Variants in AASS observed in about 807,000 individuals in gnomAD.
AASS encodes the protein aminoadipate-semialdehyde synthase.
A neutral mutation model predicts 105.4 loss-of-function variants in AASS; 86 were observed. The observed-to-expected ratio is 0.82, with a 90% confidence interval of 0.69 to 0.98. The LOEUF (loss-of-function observed/expected upper bound fraction) is 0.98, where lower values mean the gene tolerates loss of function less well. Ranked by LOEUF, AASS falls within the 50% of genes least tolerant of loss-of-function variation. AASS has a pLI of 0.00. For synonymous variants in AASS, 381 were observed against 394.8 expected (o/e 0.96, Z 0.41); for missense variants, 1,048 against 1,143.2 (o/e 0.92, Z 1.20).
In AASS at chr7:122,126,473, A is replaced by T. The variant is rs1562987894; in HGVS notation, c.388-14T>A. 4.3e-6 allele frequency: 7 copies of T among 1,610,626 alleles called. No homozygotes were observed. The highest frequency in any genetic ancestry group is 1.7e-5 in the Admixed American group (1 of 59,986). On this transcript the variant is annotated splice_polypyrimidine_tract_variant and intron_variant, in intron 3 of 23. Transcript: ENST00000417368. ...AAGGCGAATTTCCTGAAAAGAGGAT[A>T]AAAAAATTTCAACTGGACCCATTAA...
At chr7:122,094,618 T>C (rs575355713) in intron 15 of AASS, among the ~76,000 whole-genome samples, 1 of 152,198 alleles carries the variant, frequency 6.6e-6, no homozygotes, top group African/African-American at 2.4e-5. Flanking sequence ...ATGGATATAC[T>C]CATTTATATA....
chr7:122,119,249 T>C (rs1288167633), intron 4 of AASS, among the ~76,000 whole-genome samples: 1 of 152,178 alleles, frequency 6.6e-6, no homozygotes, highest in Non-Finnish European at 1.5e-5. Context: ...TGGCAATTCC[T>C]TTTATATTAT....
Position 122,110,707 on chromosome 7 carries a change from T to C in AASS, c.1278+2411A>G, listed in dbSNP as rs540307221. 2.6e-5 allele frequency among the ~76,000 whole-genome samples: 4 copies of C among 151,904 alleles called. No homozygotes were observed. In the South Asian group the frequency reaches 8.3e-4, roughly 32 times the overall value. ...TATAGATTAAGCTCTCTAATGAACA[T>C]AGATGTTAATAATCCTAAACAAGAT... On this transcript the variant is annotated intron_variant, in intron 11 of 23. Coordinates refer to ENST00000417368, the MANE Select transcript of AASS (RefSeq NM_005763.4).
intron 4 of AASS, 110 bp from the exon 5 acceptor site, chr7:122,118,740 A>C: frequency 9.0e-7 from 1 of 1,110,930 alleles, no homozygotes; most frequent in East Asian, 2.6e-5. Flanking sequence ...CAGATCATGC[A>C]TCTCAGATTT....
chr7:122,119,400 T>G (rs1037553291), intron 4 of AASS, among the ~76,000 whole-genome samples: 2 of 152,166 alleles, frequency 1.3e-5, no homozygotes, highest in Non-Finnish European at 2.9e-5. Flanking sequence ...AGATCTTTCT[T>G]TTGATTTCAA....
Position 122,116,931 on chromosome 7 carries a change from T to C in AASS, c.714A>G (p.Leu238=). The change falls in exon 7 of 24, where the codon CTA becomes CTG. Residue 238 remains leucine (L), a synonymous_variant. Transcript: ENST00000417368. ...SKGAQAIFNE[L]PCEYVEPHEL... ...CATGGGGCTCCACATATTCACAAGGTAGCTCATTAAAGATTGCTTGGGCTC... is the reference window on the plus strand; with the variant it reads ...CATGGGGCTCCACATATTCACAAGGCAGCTCATTAAAGATTGCTTGGGCTC... 1.9e-6 allele frequency: 3 copies of C among 1,613,948 alleles called. No individual in the cohort carries two copies. The highest frequency in any genetic ancestry group is 2.5e-6 in the Non-Finnish European group (3 of 1,179,968).
chr7:122,094,000 TACTGCAGGCTCTC>T (rs1439859028), intron 15 of AASS, among the ~76,000 whole-genome samples: 1 of 151,910 alleles, frequency 6.6e-6, no homozygotes, highest in Admixed American at 6.6e-5. Flanking sequence ...GAAAACCAAA[TACTGCAGGCTCTC>T]ACTTACAAGT....
chr7:122,115,635 C>T (rs886681129), intron 8 of AASS, among the ~76,000 whole-genome samples: 3 of 152,098 alleles, frequency 2.0e-5, no homozygotes, highest in South Asian at 2.1e-4. Context: ...GGGGATAATA[C>T]GCACCCCATT....
chr7:122,138,939 T>C (rs1333925411), intron 1 of AASS, among the ~76,000 whole-genome samples: 1 of 152,096 alleles, frequency 6.6e-6, no homozygotes, highest in Non-Finnish European at 1.5e-5. Context: ...TCATTCTAAA[T>C]CACATGGAGT....
At chr7:122,099,315 G>A (rs1794322690) in intron 13 of AASS, among the ~76,000 whole-genome samples, 1 of 151,796 alleles carries the variant, frequency 6.6e-6, no homozygotes. Flanking sequence ...ACAATTTGAG[G>A]AAGAGAATAT....
chr7:122,077,729 T>G (rs1439803419), intron 23 of AASS, 109 bp downstream of exon 23: 1 of 1,397,068 alleles, frequency 7.2e-7, no homozygotes, highest in African/African-American at 1.4e-5. Context: ...GATGGTTCAC[T>G]TTTAGTAAAT....
intron 1 of AASS, among the ~76,000 whole-genome samples, chr7:122,138,570 G>A (rs542229331): frequency 2.0e-5 from 3 of 152,078 alleles, no homozygotes; most frequent in African/African-American, 4.8e-5. Flanking sequence ...CATGGAAAGC[G>A]AAAACTTGGA....
chr7:122,140,742 A>G (rs574599363), intron 1 of AASS, among the ~76,000 whole-genome samples: 15 of 152,108 alleles, frequency 9.9e-5, no homozygotes, highest in African/African-American at 3.4e-4. Context: ...TGAATGACAA[A>G]TTATTTGCAA....
At chr7:122,079,754 A>C (rs753392943) in intron 20 of AASS, 42 bp from the exon 21 acceptor site, 5 of 1,473,804 alleles carry the variant, frequency 3.4e-6, no homozygotes, top group Non-Finnish European at 4.7e-6. Context: ...GTCCCTAACA[A>C]ATTTTTTTTT....
intron 15 of AASS, 106 bp from the exon 16 acceptor site, chr7:122,093,264 T>C (rs1793993958): frequency 1.2e-6 from 1 of 858,580 alleles, no homozygotes; most frequent in Admixed American, 2.0e-5. Context: ...TCTGATTAAA[T>C]TATTCTCTCA....
intron 18 of AASS, among the ~76,000 whole-genome samples, chr7:122,090,470 T>C (rs1342214530): frequency 6.6e-6 from 1 of 152,140 alleles, no homozygotes; most frequent in Non-Finnish European, 1.5e-5. Context: ...CAAAAGACCA[T>C]GGCTAATAAC....
intron 11 of AASS, among the ~76,000 whole-genome samples, chr7:122,109,829 T>C (rs1373540798): frequency 6.6e-6 from 1 of 151,956 alleles, no homozygotes; most frequent in Non-Finnish European, 1.5e-5. Flanking sequence ...ACTAAAAAGC[T>C]TCTGCACAGC....
chr7:122,107,918 CA>C (rs1335921794), intron 11 of AASS, among the ~76,000 whole-genome samples: 17 of 122,328 alleles, frequency 1.4e-4, no homozygotes, highest in Non-Finnish European at 2.3e-4. Flanking sequence ...TTAGCTTCTG[CA>C]ACATTATTGC....
chr7:122,099,045 T>C (rs1313272333), intron 13 of AASS, among the ~76,000 whole-genome samples, 179 bp from the exon 14 acceptor site: 1 of 151,830 alleles, frequency 6.6e-6, no homozygotes, highest in Non-Finnish European at 1.5e-5. Flanking sequence ...TAACAACATG[T>C]TTCTTTAATT....
Sources: gnomAD v4.1 joint callset for allele counts (sites outside exome capture counted in the v4.1 genomes callset) on GRCh38, gnomAD v4.1.1 for gene constraint, MANE v1.5 for transcripts, NCBI Gene and HGNC (gene_info 2026-07-23, HGNC 2026-07-21) for gene names.